NELL2: variants seen among roughly 807,000 people sequenced by gnomAD.
NELL2 encodes the protein protein kinase C-binding protein NELL2.
Under a neutral mutation model 109.6 loss-of-function variants are expected in NELL2, and 41 were observed. The observed-to-expected ratio is 0.37, with a 90% CI of 0.29 to 0.49. NELL2 has a LOEUF of 0.49. Ranked by LOEUF, NELL2 falls within the 20% of genes least tolerant of loss-of-function variation. The pLI is 0.98. For missense variants in NELL2, 900 were observed against 1,008.3 expected, an observed-to-expected ratio of 0.89 and a Z score of 1.45; for synonymous variants, 355 against 344.7, an observed-to-expected ratio of 1.03 and a Z score of -0.33.
intron 9 of NELL2, among the ~76,000 whole-genome samples, chr12:44,747,542 T>C (rs1940441492): frequency 1.3e-5 from 2 of 152,096 alleles, no homozygotes; most frequent in Admixed American, 1.3e-4. Context: ...TCTTAAGACT[T>C]CTGGTTAACA....
chr12:44,874,656 C>A (rs1036147281), intron 2 of NELL2, among the ~76,000 whole-genome samples: 5 of 152,266 alleles, frequency 3.3e-5, no homozygotes, highest in African/African-American at 1.2e-4. Context: ...CTTTTGAGAC[C>A]ATTATTCCCT....
In NELL2 at chr12:44,875,799, C is replaced by G; in HGVS notation, c.55+16G>C. On this transcript the variant is annotated intron_variant, in intron 1 of 19. Coordinates refer to ENST00000429094, the MANE Select transcript of NELL2 (RefSeq NM_001145108.2). ...GAGCCATCCCTTTCCCCAGCCCCAGCTCTGCGGCCACTCACCTGCTCCGAG... is the reference window on the plus strand; with the variant it reads ...GAGCCATCCCTTTCCCCAGCCCCAGGTCTGCGGCCACTCACCTGCTCCGAG... 3 of 1,613,346 alleles carry G rather than the reference C, an allele frequency of 1.9e-6. No homozygotes were observed. The highest frequency in any genetic ancestry group is 2.5e-6 in the Non-Finnish European group (3 of 1,180,020).
intron 8 of NELL2, among the ~76,000 whole-genome samples, chr12:44,775,254 C>T (rs1049972443): frequency 2.0e-5 from 3 of 148,454 alleles, no homozygotes; most frequent in Non-Finnish European, 4.4e-5. Context: ...TGCGTGCGCA[C>T]GCACACACAC....
At chr12:44,528,180 T>C (rs1201284545) in intron 16 of NELL2, among the ~76,000 whole-genome samples, 1 of 148,634 alleles carries the variant, frequency 6.7e-6, no homozygotes, top group Non-Finnish European at 1.5e-5. Flanking sequence ...TTTCTGATAA[T>C]CTTTATAAAT....
intron 2 of NELL2, among the ~76,000 whole-genome samples, chr12:44,818,099 C>A (rs1222969442): frequency 6.6e-6 from 1 of 152,212 alleles, no homozygotes. Flanking sequence ...TTGCCACAAT[C>A]AATGCAATAG....
chr12:44,863,123 T>C (rs907370400), intron 2 of NELL2, among the ~76,000 whole-genome samples: 3 of 151,528 alleles, frequency 2.0e-5, no homozygotes, highest in Admixed American at 2.0e-4. Flanking sequence ...GGCCCCAGTG[T>C]GTGATGTTTC....
At chr12:44,707,450 C>T (rs73102305) in intron 11 of NELL2, among the ~76,000 whole-genome samples, 18 of 152,178 alleles carry the variant, frequency 1.2e-4, no homozygotes, top group Non-Finnish European at 2.1e-4. Context: ...GACAAAGGGA[C>T]GAGATTTGAG....
At chr12:44,598,854 TACACACAC>T (rs754118280) in intron 15 of NELL2, among the ~76,000 whole-genome samples, 12 of 118,498 alleles carry the variant, frequency 1.0e-4, no homozygotes, top group African/African-American at 3.8e-4. Context: ...AAGAAAGAAA[TACACACAC>T]ACACACACAC....
At chr12:44,701,110 A>G (rs983526533) in intron 12 of NELL2, among the ~76,000 whole-genome samples, 18 of 152,138 alleles carry the variant, frequency 1.2e-4, no homozygotes, top group African/African-American at 4.1e-4. Context: ...AAATGTTTAA[A>G]AAGGTGTTCC....
chr12:44,725,863 G>C (rs1939052407), intron 9 of NELL2, among the ~76,000 whole-genome samples: 1 of 152,138 alleles, frequency 6.6e-6, no homozygotes, highest in Non-Finnish European at 1.5e-5. Flanking sequence ...AGGGAGGGTG[G>C]GAGTAGGAAG....
chr12:44,765,759 T>C (rs80155463), intron 9 of NELL2, among the ~76,000 whole-genome samples: 19,932 of 152,230 alleles, frequency 0.13, 1,785 homozygotes, highest in Middle Eastern at 0.22. Context: ...TATTTTTAAA[T>C]TGGGGGCCAG....
At chr12:44,703,960 T>A in intron 11 of NELL2, 106 bp from the exon 12 acceptor site, 3 of 921,094 alleles carry the variant, frequency 3.3e-6, no homozygotes, top group Non-Finnish European at 4.8e-6. Flanking sequence ...CCCTAAATAA[T>A]TTTTTAATTA....
At chr12:44,628,244 T>C (rs1049377117) in intron 13 of NELL2, among the ~76,000 whole-genome samples, 2 of 152,196 alleles carry the variant, frequency 1.3e-5, no homozygotes, top group Non-Finnish European at 2.9e-5. Flanking sequence ...ACAATGGGTT[T>C]TGTAGTCTCA....
chr12:44,826,373 T>C (rs1012076074), intron 2 of NELL2, among the ~76,000 whole-genome samples: 10 of 152,348 alleles, frequency 6.6e-5, no homozygotes, highest in African/African-American at 2.2e-4. Flanking sequence ...TCAAATGTTA[T>C]TGTCTTCTAA....
At chr12:44,531,184 A>G (rs1202300505) in intron 16 of NELL2, among the ~76,000 whole-genome samples, 1 of 152,170 alleles carries the variant, frequency 6.6e-6, no homozygotes, top group East Asian at 1.9e-4. Context: ...GAAAGGGGGG[A>G]AGAGAAATGA....
At chr12:44,867,006 T>C (rs868542804) in intron 2 of NELL2, among the ~76,000 whole-genome samples, 2 of 152,028 alleles carry the variant, frequency 1.3e-5, no homozygotes, top group South Asian at 4.1e-4. Flanking sequence ...TAATAAAAAG[T>C]CCTTCATCAA....
At chr12:44,668,977 C>T (rs1296176579) in intron 12 of NELL2, among the ~76,000 whole-genome samples, 4 of 152,072 alleles carry the variant, frequency 2.6e-5, no homozygotes, top group Non-Finnish European at 4.4e-5. Flanking sequence ...CCCATGAAGG[C>T]CACTGAGGGC....
In NELL2 at chr12:44,747,111, A is replaced by G. The variant is rs1940407478; in HGVS notation, c.994+27636T>C. ...TGGCACATATACACCATGGAATACT[A>G]TGCAGCCATAAAACGTGATGAGTTC... On this transcript the variant is annotated intron_variant, in intron 9 of 19. Transcript: ENST00000429094. 3.3e-5 allele frequency among the ~76,000 whole-genome samples: 5 copies of G among 152,366 alleles called. No individual in the cohort carries two copies. In the South Asian group the frequency reaches 8.3e-4, roughly 25 times the overall value.
In NELL2 at chr12:44,581,301, A is replaced by C. The variant is rs192509402; in HGVS notation, c.1663+25868T>G. Among the ~76,000 whole-genome samples the C allele has an allele frequency of 2.7e-3, 405 of 151,994 alleles. 5 individuals are homozygous for C. The highest frequency in any genetic ancestry group is 1.7e-3 in the Non-Finnish European group (115 of 67,952). ...TAAAGATACTTAATTTAAAAGAAAA[A>C]AGATTTTTTTAAAATCTTTTACAAT... On this transcript the variant is annotated intron_variant, in intron 15 of 19. Coordinates refer to ENST00000429094, the MANE Select transcript of NELL2 (RefSeq NM_001145108.2).
Sources: gnomAD v4.1 joint callset for allele counts (sites outside exome capture counted in the v4.1 genomes callset) on GRCh38, gnomAD v4.1.1 for gene constraint, MANE v1.5 for transcripts, NCBI Gene and HGNC (gene_info 2026-07-23, HGNC 2026-07-21) for gene names.